Variants in EXOC6B observed in about 807,000 individuals in gnomAD.
The protein encoded by EXOC6B is exocyst complex component 6B, also known as SEC15 homolog B.
In EXOC6B, 54 loss-of-function variants were observed where a neutral mutation model predicts 113.5. That is an observed-to-expected ratio of 0.48 (90% CI 0.38 to 0.60). EXOC6B has a LOEUF of 0.60. Ranked by LOEUF, EXOC6B falls within the 20% of genes least tolerant of loss-of-function variation. The pLI, the probability that EXOC6B is intolerant of heterozygous loss-of-function variation, is 0.00. For missense variants in EXOC6B, 797 were observed against 977.5 expected (o/e 0.82, Z 2.46); for synonymous variants, 357 against 339.0 (o/e 1.05, Z -0.58).
At chr2:72,644,315 G>A (rs1479983033) in intron 6 of EXOC6B, among the ~76,000 whole-genome samples, 2 of 152,120 alleles carry the variant, frequency 1.3e-5, no homozygotes, top group Non-Finnish European at 1.5e-5. Context: ...CCAAATCCAC[G>A]TTTGATTGGT....
chr2:72,278,056 C>G (rs1684906956), intron 20 of EXOC6B, among the ~76,000 whole-genome samples: 1 of 152,014 alleles, frequency 6.6e-6, no homozygotes, highest in African/African-American at 2.4e-5. Context: ...AAGTCACAGC[C>G]CATACTAAGC....
chr2:72,638,763 G>A (rs1315376902), intron 6 of EXOC6B, among the ~76,000 whole-genome samples: 2 of 152,180 alleles, frequency 1.3e-5, no homozygotes, highest in Non-Finnish European at 2.9e-5. Flanking sequence ...AGGGTTTGGT[G>A]CAAGAGTGTC....
At chr2:72,649,684 T>G (rs1338652416) in intron 6 of EXOC6B, among the ~76,000 whole-genome samples, 2 of 152,292 alleles carry the variant, frequency 1.3e-5, no homozygotes, top group East Asian at 3.9e-4. Flanking sequence ...GCAAGACTTA[T>G]ACAGCTACAG....
intron 1 of EXOC6B, among the ~76,000 whole-genome samples, chr2:72,781,895 T>C (rs926465304): frequency 3.3e-5 from 5 of 151,866 alleles, no homozygotes; most frequent in African/African-American, 4.8e-5. Context: ...TCCCAGAACT[T>C]TGGGAGGCCG....
At chr2:72,482,594 A>G (rs1029722038) in intron 16 of EXOC6B, among the ~76,000 whole-genome samples, 8 of 152,316 alleles carry the variant, frequency 5.3e-5, no homozygotes, top group African/African-American at 1.9e-4. Flanking sequence ...ATTTCAAAAC[A>G]ACGTTAAAAA....
At chr2:72,644,253 A>G (rs1348122883) in intron 6 of EXOC6B, among the ~76,000 whole-genome samples, 1 of 152,198 alleles carries the variant, frequency 6.6e-6, no homozygotes, top group Non-Finnish European at 1.5e-5. Flanking sequence ...GAGAAAAAAC[A>G]GCAAAAAGAA....
intron 18 of EXOC6B, among the ~76,000 whole-genome samples, chr2:72,391,383 C>G (rs776760532): frequency 6.6e-6 from 1 of 152,014 alleles, no homozygotes; most frequent in Non-Finnish European, 1.5e-5. Context: ...TGTCCTCTGG[C>G]CTTCATCATT....
At chr2:72,346,553 T>C (rs968593776) in intron 19 of EXOC6B, among the ~76,000 whole-genome samples, 1 of 152,226 alleles carries the variant, frequency 6.6e-6, no homozygotes, top group Non-Finnish European at 1.5e-5. Flanking sequence ...AAAAACAATT[T>C]CACTTCAAGA....
intron 20 of EXOC6B, among the ~76,000 whole-genome samples, chr2:72,223,901 C>A (rs969325103): frequency 6.6e-6 from 1 of 152,110 alleles, no homozygotes; most frequent in Admixed American, 6.6e-5. Flanking sequence ...GTGAACTTGG[C>A]ATCTATTAAA....
chr2:72,505,055 T>G (rs1009535344), intron 11 of EXOC6B, among the ~76,000 whole-genome samples: 2 of 152,220 alleles, frequency 1.3e-5, no homozygotes, highest in Non-Finnish European at 2.9e-5. Context: ...ATTTTCCTAC[T>G]CTTTTGTGAG....
At chr2:72,452,705 T>C (rs1696988246) in intron 18 of EXOC6B, among the ~76,000 whole-genome samples, 1 of 152,204 alleles carries the variant, frequency 6.6e-6, no homozygotes, top group South Asian at 2.1e-4. Context: ...AGTTACAGCT[T>C]TATGTAAGGG....
chr2:72,659,623 G>A (rs1422089391), intron 6 of EXOC6B, among the ~76,000 whole-genome samples: 4 of 152,038 alleles, frequency 2.6e-5, no homozygotes, highest in African/African-American at 4.8e-5. Context: ...CTATTGCAGT[G>A]ACCACAGTGT....
chr2:72,659,205 A>C (rs943294107), intron 6 of EXOC6B, among the ~76,000 whole-genome samples: 1 of 152,258 alleles, frequency 6.6e-6, no homozygotes, highest in South Asian at 2.1e-4. Context: ...CTAAAATGAG[A>C]TATTATACTC....
intron 6 of EXOC6B, among the ~76,000 whole-genome samples, chr2:72,630,099 C>A (rs1385118695): frequency 6.6e-6 from 1 of 152,166 alleles, no homozygotes; most frequent in African/African-American, 2.4e-5. Context: ...CCTCAAGCAG[C>A]CAACCAATCC....
intron 18 of EXOC6B, among the ~76,000 whole-genome samples, chr2:72,441,735 T>C (rs140284385): frequency 7.0e-4 from 107 of 152,116 alleles, no homozygotes; most frequent in Non-Finnish European, 1.2e-3. Flanking sequence ...AGTACTGAAA[T>C]TGAGTACTAC....
intron 20 of EXOC6B, among the ~76,000 whole-genome samples, chr2:72,198,967 G>C (rs1679331515): frequency 6.6e-6 from 1 of 152,134 alleles, no homozygotes; most frequent in Non-Finnish European, 1.5e-5. Flanking sequence ...GGCTTTCCTA[G>C]CCTTTATTCA....
chr2:72,289,127 A>G (rs1685628061), intron 20 of EXOC6B: 1 of 254,918 alleles, frequency 3.9e-6, no homozygotes, highest in Admixed American at 4.1e-5. Flanking sequence ...GATGTAATAC[A>G]TATTTACAAA....
In EXOC6B at chr2:72,244,034, TAGCACCATCAATC is replaced by T. The variant is rs1294149958; in HGVS notation, c.2197-59860_2197-59848del. On this transcript the variant is annotated intron_variant, in intron 20 of 21. Transcript: ENST00000272427. ...TCAGTAAGAAAACAGCTGAACTGAA[TAGCACCATCAATC>T]AAATAGACCAAATTGGCATTCATAT... Among the ~76,000 whole-genome samples, 5 of 152,252 alleles carry T rather than the reference TAGCACCATCAATC, an allele frequency of 3.3e-5. No homozygotes were observed. In the East Asian group the frequency reaches 9.7e-4, roughly 29 times the overall value.
intron 3 of EXOC6B, 89 bp downstream of exon 3, chr2:72,732,982 C>G (rs1279097762): frequency 1.1e-6 from 1 of 875,462 alleles, no homozygotes. Context: ...ATACTACTTA[C>G]AGTCTTAACC....
Sources: gnomAD v4.1 joint callset for allele counts (sites outside exome capture counted in the v4.1 genomes callset) on GRCh38, gnomAD v4.1.1 for gene constraint, MANE v1.5 for transcripts, NCBI Gene and HGNC (gene_info 2026-07-23, HGNC 2026-07-21) for gene names.